Variants in IDO2 observed in about 807,000 individuals in gnomAD.
IDO2 encodes indoleamine 2,3-dioxygenase-like 1 protein.
A neutral mutation model predicts 45.1 loss-of-function variants in IDO2; 46 were observed. The ratio of observed to expected loss-of-function variants is 1.02; its 90% confidence interval spans 0.80 to 1.30. The LOEUF (loss-of-function observed/expected upper bound fraction) is 1.30, where lower values mean the gene tolerates loss of function less well. IDO2 is among the 50% of genes most tolerant of loss of function. IDO2 has a pLI of 0.00. For synonymous variants in IDO2, 218 were observed against 184.9 expected (o/e 1.18, Z -1.45); for missense variants, 544 against 491.8 (o/e 1.11, Z -1.00).
chr8:39,951,769 A>T (rs1260130091), intron 2 of IDO2, among the ~76,000 whole-genome samples: 1 of 152,230 alleles, frequency 6.6e-6, no homozygotes, highest in Non-Finnish European at 1.5e-5. Flanking sequence ...AATTGCTCTT[A>T]TTGGGATTAA....
At chr8:39,965,573 T>A (rs1024300634) in intron 3 of IDO2, among the ~76,000 whole-genome samples, 3 of 152,164 alleles carry the variant, frequency 2.0e-5, no homozygotes, top group African/African-American at 4.8e-5. Flanking sequence ...CTAGAAGTCA[T>A]GTTCATGCAT....
chr8:40,013,944 G>T (rs1348768334), intron 10 of IDO2, among the ~76,000 whole-genome samples: 1 of 152,104 alleles, frequency 6.6e-6, no homozygotes, highest in African/African-American at 2.4e-5. Context: ...TTAAAATGTT[G>T]CTCTGTTTCC....
Position 39,996,792 on chromosome 8 carries a change from C to A in IDO2, c.667+6954C>A, listed in dbSNP as rs769981945. Among the ~76,000 whole-genome samples, 87 of 152,206 alleles carry A rather than the reference C, an allele frequency of 5.7e-4. No individual in the cohort carries two copies. In the Middle Eastern group the frequency reaches 0.01, roughly 18 times the overall value. On this transcript the variant is annotated intron_variant, in intron 8 of 10. Transcript: ENST00000502986. ...AAAAAAATCATACTAAATGAAAGGG[C>A]ACCATTTTACAAGCACTAGAACTAC...
At chr8:40,007,901 G>A (rs1802246347) in intron 9 of IDO2, among the ~76,000 whole-genome samples, 1 of 152,146 alleles carries the variant, frequency 6.6e-6, no homozygotes, top group Admixed American at 6.5e-5. Context: ...AACTCATTTA[G>A]GTTGTTGTCA....
At chr8:39,959,149 G>A (rs1023712610) in intron 2 of IDO2, among the ~76,000 whole-genome samples, 17 of 147,728 alleles carry the variant, frequency 1.2e-4, no homozygotes, top group African/African-American at 3.3e-4. Flanking sequence ...TCGCTCTGTC[G>A]CCCAGGCTGG....
chr8:39,938,175 G>T lies in IDO2; in HGVS notation c.-18+2957G>T, dbSNP rs181276108. On this transcript the variant is annotated intron_variant, in intron 1 of 10. Transcript: ENST00000502986. ...CAGAATTTTCTAGCCAGGCATTGTG[G>T]CTTACACCTGTAATTCCAGCACTTT... Among the ~76,000 whole-genome samples the T allele has an allele frequency of 1.6e-3, 238 of 152,200 alleles. 1 individual carries two copies. The highest frequency in any genetic ancestry group is 5.4e-3 in the African/African-American group (223 of 41,508).
intron 3 of IDO2, among the ~76,000 whole-genome samples, chr8:39,969,931 C>T (rs895546656): frequency 1.3e-5 from 2 of 151,408 alleles, no homozygotes; most frequent in Admixed American, 6.6e-5. Flanking sequence ...GTGAGAAAGT[C>T]ATGTCAAAAC....
chr8:39,973,104 G>A (rs562442413), intron 3 of IDO2, among the ~76,000 whole-genome samples: 102 of 152,256 alleles, frequency 6.7e-4, no homozygotes, highest in African/African-American at 2.2e-3. Flanking sequence ...TAAGTAAATA[G>A]ATGATGGATG....
intron 1 of IDO2, among the ~76,000 whole-genome samples, chr8:39,936,102 A>C (rs1293523493): frequency 6.6e-6 from 1 of 152,196 alleles, no homozygotes; most frequent in African/African-American, 2.4e-5. Context: ...TAACATCAGT[A>C]AGTACAGGTT....
At chr8:39,994,162 A>T (rs1464391692) in intron 8 of IDO2, among the ~76,000 whole-genome samples, 1 of 152,154 alleles carries the variant, frequency 6.6e-6, no homozygotes, top group African/African-American at 2.4e-5. Flanking sequence ...TACGTTGATT[A>T]TTTCAACACA....
intron 4 of IDO2, 89 bp from the exon 5 acceptor site, chr8:39,982,563 A>C: frequency 1.2e-6 from 1 of 843,442 alleles, no homozygotes; most frequent in Non-Finnish European, 1.8e-6. Context: ...TCTGTACCAC[A>C]GGATTGCCGA....
chr8:39,983,134 A>G (rs1808377712), intron 5 of IDO2, among the ~76,000 whole-genome samples: 1 of 152,244 alleles, frequency 6.6e-6, no homozygotes, highest in Non-Finnish European at 1.5e-5. Flanking sequence ...TAATCATTAT[A>G]TAATGATCAG....
In IDO2 at chr8:39,947,276, G is replaced by A. The variant is rs552446080; in HGVS notation, c.-17-1873G>A. On this transcript the variant is annotated intron_variant, in intron 1 of 10. Transcript: ENST00000502986. Reference sequence around the variant, plus strand: ...TTCCTCTTCAAAGACTTTCCTCCCCGTCTAATTAGGAATAAATAGTAACTT... The same window carrying A: ...TTCCTCTTCAAAGACTTTCCTCCCCATCTAATTAGGAATAAATAGTAACTT... Among the ~76,000 whole-genome samples the A allele has an allele frequency of 9.6e-4, 145 of 150,420 alleles. 2 individuals carry two copies. The highest frequency in any genetic ancestry group is 1.1e-3 in the Non-Finnish European group (76 of 67,794).
chr8:39,995,235 TTCTCCTTCTC>T (rs1802018650), intron 8 of IDO2: 1 of 92,040 alleles, frequency 1.1e-5, no homozygotes, highest in African/African-American at 5.2e-5. Flanking sequence ...CTCCTTCTCC[TTCTCCTTCTC>T]CTTCTCCTTC....
chr8:40,014,538 A>C (rs1802357726), intron 10 of IDO2, among the ~76,000 whole-genome samples: 1 of 152,206 alleles, frequency 6.6e-6, no homozygotes, highest in Non-Finnish European at 1.5e-5. Context: ...TCCAAAACAA[A>C]GCACTGAGAA....
At chr8:39,955,705 A>G (rs1807882216) in intron 2 of IDO2, among the ~76,000 whole-genome samples, 1 of 152,062 alleles carries the variant, frequency 6.6e-6, no homozygotes, top group Non-Finnish European at 1.5e-5. Flanking sequence ...AAGAAAAGAA[A>G]TCTCCCAATG....
At chr8:40,015,894 T>G in exon 11 of IDO2, 1 of 364,534 alleles carries the variant, frequency 2.7e-6, no homozygotes, top group Non-Finnish European at 4.9e-6. Context: ...CTTTGCCAAG[T>G]AATAGAAAAC....
chr8:39,940,166 C>T (rs1411131077), intron 1 of IDO2, among the ~76,000 whole-genome samples: 1 of 152,136 alleles, frequency 6.6e-6, no homozygotes, highest in Non-Finnish European at 1.5e-5. Flanking sequence ...CAGGGTACAG[C>T]CCTGAGTTTC....
At chr8:39,984,890 TG>T in intron 5 of IDO2, 2 of 435,996 alleles carry the variant, frequency 4.6e-6, no homozygotes, top group South Asian at 3.3e-5. Flanking sequence ...TGTGGGGTTG[TG>T]GTAAATACAA....
Sources: gnomAD v4.1 joint callset for allele counts (sites outside exome capture counted in the v4.1 genomes callset) on GRCh38, gnomAD v4.1.1 for gene constraint, MANE v1.5 for transcripts, NCBI Gene and HGNC (gene_info 2026-07-23, HGNC 2026-07-21) for gene names.